The following LEPR variants were observed in gnomAD, a reference collection of about 807,000 sequenced individuals.
LEPR encodes OB receptor.
Under a neutral mutation model 114.7 loss-of-function variants are expected in LEPR, and 56 were observed. That is an observed-to-expected ratio of 0.49 (90% CI 0.39 to 0.61). The LOEUF (loss-of-function observed/expected upper bound fraction) is 0.61, where lower values mean the gene tolerates loss of function less well. Ranked by LOEUF, LEPR falls within the 20% of genes least tolerant of loss-of-function variation. The pLI is 0.00. For missense variants in LEPR, 1,202 were observed against 1,352.9 expected (o/e 0.89, Z 1.75); for synonymous variants, 443 against 461.4 (o/e 0.96, Z 0.51).
chr1:65,429,920 A>G, intron 2 of LEPR: 1 of 1,547,686 alleles, frequency 6.5e-7, no homozygotes. Flanking sequence ...CCCCCATTTC[A>G]TTGCCAAAAG....
At chr1:65,566,216 T>C (rs1182703626) in intron 3 of LEPR, among the ~76,000 whole-genome samples, 5 of 148,886 alleles carry the variant, frequency 3.4e-5, no homozygotes, top group Middle Eastern at 3.4e-3. Flanking sequence ...TTTTTTTTTT[T>C]TTTTTGAGAC....
intron 2 of LEPR, among the ~76,000 whole-genome samples, chr1:65,450,160 A>G (rs1240749981): frequency 3.9e-5 from 6 of 152,172 alleles, no homozygotes; most frequent in Non-Finnish European, 1.5e-5. Context: ...ATGGCCCAGA[A>G]TGTGGTCTAT....
rs1658786166 is a variant in LEPR, at chr1:65,638,487, A to G, written c.*1472A>G. 3 of 152,178 alleles carry G rather than the reference A, an allele frequency of 2.0e-5. No individual in the cohort carries two copies. The highest frequency in any genetic ancestry group is 2.0e-4 in the Admixed American group (3 of 15,278). 9.4% of individuals were successfully genotyped at this position (152,178 alleles called of 1,614,324 possible). A position where few individuals can be genotyped will look rare whatever the true frequency, so the allele number is the denominator to read the frequency against. ...CAAAATAAGTACTTTAGTGTTCAAA[A>G]ATATGCCTATGGGTTTTTAAAAATT... On this transcript the variant is annotated 3_prime_UTR_variant, in exon 20 of 20. Transcript: ENST00000349533.
chr1:65,616,219 G>T lies in LEPR; in HGVS notation c.2207G>T (p.Ser736Ile). The T allele has an allele frequency of 6.2e-7, 1 of 1,613,722 alleles. No homozygotes were observed. The highest frequency in any genetic ancestry group is 8.5e-7 in the Non-Finnish European group (1 of 1,179,810). ...NFNLTFSWPM[S>I]KVNIVQSLSA... ...AATTTAACCTTTTCATGGCCTATGA[G>T]CAAAGGTAAGAAGAGGTACAGAGTG... is the stretch of plus-strand genomic sequence containing the variant. The change falls in exon 15 of 20, where the codon AGC becomes ATC. Residue 736 changes from serine (S) to isoleucine (I), a missense_variant. Coordinates refer to ENST00000349533, the MANE Select transcript of LEPR (RefSeq NM_002303.6).
intron 11 of LEPR, among the ~76,000 whole-genome samples, chr1:65,605,439 T>A (rs1457409126): frequency 6.6e-6 from 1 of 152,250 alleles, no homozygotes; most frequent in Non-Finnish European, 1.5e-5. Flanking sequence ...TAGCAGACTT[T>A]TTTTAGCAAT....
At chr1:65,607,858 A>C (rs1209598539) in intron 11 of LEPR, among the ~76,000 whole-genome samples, 1 of 152,246 alleles carries the variant, frequency 6.6e-6, no homozygotes, top group East Asian at 1.9e-4. Flanking sequence ...CATCATAAAA[A>C]GGTGATAGGA....
chr1:65,558,537 T>TATTAGAA (rs1557662107), intron 2 of LEPR, among the ~76,000 whole-genome samples: 1 of 24,860 alleles, frequency 4.0e-5, no homozygotes, highest in Non-Finnish European at 7.7e-5. Context: ...TTTTTTTTTT[T>TATTAGAA]GTTTTTTTTT....
intron 2 of LEPR, among the ~76,000 whole-genome samples, chr1:65,538,426 C>T (rs1650931701): frequency 1.3e-5 from 2 of 152,096 alleles, no homozygotes; most frequent in African/African-American, 4.8e-5. Context: ...TTTGTAACCA[C>T]GATTTCCTGA....
intron 2 of LEPR, among the ~76,000 whole-genome samples, chr1:65,470,385 G>T (rs1258674253): frequency 6.6e-6 from 1 of 152,190 alleles, no homozygotes; most frequent in Non-Finnish European, 1.5e-5. Context: ...TCTTTGGCTG[G>T]TCTTTCCTAA....
chr1:65,462,588 A>G (rs1159960661), intron 2 of LEPR, among the ~76,000 whole-genome samples: 1 of 152,200 alleles, frequency 6.6e-6, no homozygotes, highest in Non-Finnish European at 1.5e-5. Flanking sequence ...GTCTTCCACA[A>G]TGGTTGAACT....
chr1:65,614,551 A>G (rs970090542), intron 14 of LEPR, among the ~76,000 whole-genome samples: 4 of 152,186 alleles, frequency 2.6e-5, no homozygotes, highest in Admixed American at 1.3e-4. Flanking sequence ...TCACAGGGCT[A>G]TGGGCTAACA....
chr1:65,608,145 T>A (rs1270194830), intron 11 of LEPR, among the ~76,000 whole-genome samples: 8 of 132,254 alleles, frequency 6.0e-5, no homozygotes, highest in African/African-American at 2.3e-4. Flanking sequence ...ATTGATGCAG[T>A]CCATGGGTTT....
chr1:65,528,660 AT>A (rs1184111787), intron 2 of LEPR, among the ~76,000 whole-genome samples: 1 of 152,164 alleles, frequency 6.6e-6, no homozygotes, highest in Non-Finnish European at 1.5e-5. Context: ...TTGACAGATA[AT>A]ATGATAAATC....
intron 2 of LEPR, among the ~76,000 whole-genome samples, chr1:65,552,806 A>G (rs1652506000): frequency 2.0e-5 from 3 of 152,160 alleles, no homozygotes; most frequent in African/African-American, 7.2e-5. Flanking sequence ...GTTTCTTCAT[A>G]GTGTTGATGG....
intron 2 of LEPR, among the ~76,000 whole-genome samples, chr1:65,466,355 C>T (rs1647012145): frequency 1.3e-5 from 2 of 152,192 alleles, no homozygotes; most frequent in Admixed American, 6.5e-5. Flanking sequence ...TATTGGCCCC[C>T]ACTCTCTTTT....
At chr1:65,516,509 G>A (rs1449574323) in intron 2 of LEPR, among the ~76,000 whole-genome samples, 1 of 152,118 alleles carries the variant, frequency 6.6e-6, no homozygotes, top group African/African-American at 2.4e-5. Flanking sequence ...ATGTGTTTCC[G>A]GCTCAAGCAG....
Position 65,636,838 on chromosome 1 carries a change from C to G in LEPR, c.3321C>G (p.Pro1107=), listed in dbSNP as rs748672681. Residue 1107 remains proline (P), a synonymous_variant, in exon 20 of 20, where the codon CCC becomes CCG. Coordinates refer to ENST00000349533, the MANE Select transcript of LEPR (RefSeq NM_002303.6). ...GGGTATCGTGCCCATTCCCAGCCCC[C>G]TGTTTATTCACGGACATCAGAGTTC... is the stretch of plus-strand genomic sequence containing the variant. ...KSRVSCPFPA[P]CLFTDIRVLQ... 2 of 1,612,936 alleles carry G rather than the reference C, an allele frequency of 1.2e-6. No individual in the cohort carries two copies. The highest frequency in any genetic ancestry group is 1.1e-5 in the South Asian group (1 of 90,808).
At chr1:65,558,019 G>C (rs1309012592) in intron 2 of LEPR, among the ~76,000 whole-genome samples, 1 of 152,154 alleles carries the variant, frequency 6.6e-6, no homozygotes, top group African/African-American at 2.4e-5. Flanking sequence ...GAGGAGACCA[G>C]GTGAGTTAAA....
At chr1:65,608,057 G>A (rs947143232) in intron 11 of LEPR, among the ~76,000 whole-genome samples, 7 of 151,812 alleles carry the variant, frequency 4.6e-5, no homozygotes, top group Non-Finnish European at 1.0e-4. Context: ...TTTGCTCTGA[G>A]AGACTATCTC....
Sources: gnomAD v4.1 joint callset for allele counts (sites outside exome capture counted in the v4.1 genomes callset) on GRCh38, gnomAD v4.1.1 for gene constraint, MANE v1.5 for transcripts, NCBI Gene and HGNC (gene_info 2026-07-23, HGNC 2026-07-21) for gene names.